Variants in SYT14 observed in about 807,000 individuals in gnomAD.
SYT14 encodes synaptotagmin-14.
Under a neutral mutation model 74.2 loss-of-function variants are expected in SYT14, and 32 were observed. That is an observed-to-expected ratio of 0.43 (90% CI 0.33 to 0.58). The LOEUF (loss-of-function observed/expected upper bound fraction) is 0.58, where lower values mean the gene tolerates loss of function less well. SYT14 is among the 20% of genes least tolerant of loss of function. The pLI is 0.05. For missense variants in SYT14, 791 were observed against 981.8 expected (o/e 0.81, Z 2.60); for synonymous variants, 298 against 337.7 (o/e 0.88, Z 1.29).
chr1:209,943,496 G>A (rs997455409), intron 1 of SYT14, among the ~76,000 whole-genome samples: 1 of 106,090 alleles, frequency 9.4e-6, no homozygotes. Flanking sequence ...ACAACAGAGC[G>A]AGATTCAATC....
intron 5 of SYT14, among the ~76,000 whole-genome samples, chr1:210,053,515 A>G (rs2081041609): frequency 6.6e-6 from 1 of 152,218 alleles, no homozygotes; most frequent in South Asian, 2.1e-4. Flanking sequence ...TAACCCTATT[A>G]AGTCTATGAA....
At chr1:210,024,837 T>TAACATGAAAAATGATAAAA (rs2080376864) in intron 5 of SYT14, among the ~76,000 whole-genome samples, 1 of 151,788 alleles carries the variant, frequency 6.6e-6, no homozygotes, top group Non-Finnish European at 1.5e-5. Context: ...ATGTTATATT[T>TAACATGAAAAATGATAAAA]TATCAGCCAT....
At position 209,978,181 on chromosome 1, in the gene SYT14, G is replaced by A. The variant is rs576419030; in HGVS notation, c.-486+25425G>A. ...TCCTTTAGCTCGGAGTAGTTTGATC[G>A]TCTGAAGCCTTCTTCTCTCAACTCA... is the stretch of plus-strand genomic sequence containing the variant. On this transcript the variant is annotated intron_variant, in intron 2 of 9. Transcript: ENST00000637265. 2.1e-4 allele frequency among the ~76,000 whole-genome samples: 32 copies of A among 151,588 alleles called. No individual in the cohort carries two copies. The South Asian group carries it at 3.1e-3, about 15-fold the overall frequency.
intron 5 of SYT14, among the ~76,000 whole-genome samples, chr1:210,079,539 G>T (rs1390496142): frequency 1.3e-5 from 2 of 152,124 alleles, no homozygotes; most frequent in Admixed American, 1.3e-4. Flanking sequence ...GCGTGACATT[G>T]TCCGAGTTGA....
In SYT14 at chr1:210,127,183, A is replaced by G. The variant is rs1389898067; in HGVS notation, c.2034+26722A>G. The stretch of plus-strand genomic sequence containing the variant: ...TAAAGCTGAGTATTATAAAAGCACT[A>G]AAGATTCTAGGAGAACGTAAGTACC... On this transcript the variant is annotated intron_variant, in intron 7 of 9. Transcript: ENST00000637265. 5.3e-5 allele frequency among the ~76,000 whole-genome samples: 8 copies of G among 152,318 alleles called. No individual in the cohort carries two copies. The East Asian group carries it at 9.6e-4, about 18-fold the overall frequency.
At chr1:209,985,383 G>A (rs1463006696) in intron 2 of SYT14, among the ~76,000 whole-genome samples, 1 of 152,226 alleles carries the variant, frequency 6.6e-6, no homozygotes, top group African/African-American at 2.4e-5. Flanking sequence ...TCTCCTCTTT[G>A]ACTCCACGTC....
chr1:210,086,659 G>A (rs1297164320), intron 5 of SYT14, among the ~76,000 whole-genome samples: 1 of 152,166 alleles, frequency 6.6e-6, no homozygotes, highest in Admixed American at 6.5e-5. Context: ...AGACCCAGGC[G>A]CTCAGTGGAC....
chr1:209,950,180 C>A (rs957372051), intron 1 of SYT14, among the ~76,000 whole-genome samples: 3 of 152,018 alleles, frequency 2.0e-5, no homozygotes, highest in Non-Finnish European at 2.9e-5. Flanking sequence ...AGCCTTTTTA[C>A]GTGATTTAAC....
chr1:209,941,510 G>C (rs1341920470), intron 1 of SYT14, among the ~76,000 whole-genome samples: 1 of 152,162 alleles, frequency 6.6e-6, no homozygotes, highest in South Asian at 2.1e-4. Flanking sequence ...TAATCTGATA[G>C]CGTTGACACT....
At chr1:210,149,406 A>G (rs1237638502) in intron 7 of SYT14, among the ~76,000 whole-genome samples, 1 of 151,750 alleles carries the variant, frequency 6.6e-6, no homozygotes. Context: ...GCTGGTCTCA[A>G]TCTCGTGGCC....
At chr1:210,018,780 A>G (rs1019543171) in intron 4 of SYT14, among the ~76,000 whole-genome samples, 3 of 152,152 alleles carry the variant, frequency 2.0e-5, no homozygotes, top group Non-Finnish European at 4.4e-5. Flanking sequence ...CCCTTCATTT[A>G]GCTGAATGGT....
At chr1:210,081,102 G>T (rs2102480036) in intron 5 of SYT14, among the ~76,000 whole-genome samples, 1 of 152,218 alleles carries the variant, frequency 6.6e-6, no homozygotes, top group South Asian at 2.1e-4. Flanking sequence ...CTGGATTGAG[G>T]GGTATAAGTA....
chr1:209,949,582 A>C (rs187618605), intron 1 of SYT14, among the ~76,000 whole-genome samples: 8 of 152,230 alleles, frequency 5.3e-5, no homozygotes, highest in East Asian at 3.9e-4. Flanking sequence ...AAAAAAAAAA[A>C]AAAACACTCA....
chr1:209,940,378 T>G (rs964221687), intron 1 of SYT14, among the ~76,000 whole-genome samples: 5 of 152,054 alleles, frequency 3.3e-5, no homozygotes, highest in Non-Finnish European at 7.4e-5. Flanking sequence ...TTTTTTTTTT[T>G]TGTACAATAG....
At chr1:210,121,730 C>CT (rs1053344359) in intron 7 of SYT14, among the ~76,000 whole-genome samples, 1 of 150,902 alleles carries the variant, frequency 6.6e-6, no homozygotes, top group Non-Finnish European at 1.5e-5. Context: ...GGAGGCAGAG[C>CT]TTGCAGTGAG....
At chr1:210,020,353 C>T (rs191734696) in intron 4 of SYT14, among the ~76,000 whole-genome samples, 3 of 152,148 alleles carry the variant, frequency 2.0e-5, no homozygotes, top group Admixed American at 2.0e-4. Flanking sequence ...AAAAATATAT[C>T]TTTATTCATC....
At chr1:210,082,493 C>T (rs939014692) in intron 5 of SYT14, among the ~76,000 whole-genome samples, 2 of 152,300 alleles carry the variant, frequency 1.3e-5, no homozygotes, top group Non-Finnish European at 2.9e-5. Context: ...AATTTTTCTA[C>T]TCAGTTAGCT....
chr1:210,050,642 T>C (rs1222556294), intron 5 of SYT14, among the ~76,000 whole-genome samples: 1 of 152,174 alleles, frequency 6.6e-6, no homozygotes, highest in Non-Finnish European at 1.5e-5. Context: ...GGACGTACAG[T>C]ATCACATCGT....
chr1:210,155,453 A>T (rs930099276), intron 7 of SYT14, among the ~76,000 whole-genome samples: 3 of 152,238 alleles, frequency 2.0e-5, no homozygotes, highest in African/African-American at 7.2e-5. Context: ...AGCATCTATA[A>T]GTTTAAGCAA....
Sources: allele counts gnomAD v4.1 joint callset (sites outside exome capture counted in the v4.1 genomes callset), GRCh38; gene constraint gnomAD v4.1.1; transcripts MANE v1.5; gene names NCBI Gene and HGNC (gene_info 2026-07-23, HGNC 2026-07-21).